Variants in MDN1 observed in about 807,000 individuals in gnomAD.
MDN1 encodes the protein midasin.
MDN1 carries 266 observed loss-of-function variants against 669.2 expected under a neutral mutation model. The ratio of observed to expected loss-of-function variants is 0.40; its 90% CI spans 0.36 to 0.44. MDN1 has a LOEUF of 0.44. Among genes scored for constraint, MDN1 ranks in the 20% least tolerant of loss-of-function variants. The pLI is 1.00. For synonymous variants in MDN1, 2,385 were observed against 2,457.1 expected, an observed-to-expected ratio of 0.97 and a Z score of 0.87; for missense variants, 5,940 against 6,754.0, an observed-to-expected ratio of 0.88 and a Z score of 4.22.
intron 13 of MDN1, among the ~76,000 whole-genome samples, chr6:89,774,371 T>G (rs1472645280): frequency 2.6e-5 from 4 of 152,238 alleles, no homozygotes; most frequent in African/African-American, 9.6e-5. Context: ...CTAAATACAC[T>G]GCAGTGAATA....
intron 76 of MDN1, among the ~76,000 whole-genome samples, chr6:89,677,092 TG>T (rs773528744): frequency 1.5e-4 from 21 of 143,986 alleles, no homozygotes; most frequent in Middle Eastern, 7.5e-3. Flanking sequence ...AGAAAATAAA[TG>T]TTTTTTTTCT....
chr6:89,658,425 T>C (rs1192828011), intron 89 of MDN1, 55 bp from the exon 90 acceptor site: 1 of 1,604,642 alleles, frequency 6.2e-7, no homozygotes, highest in Non-Finnish European at 8.5e-7. Context: ...CAGCATAAGG[T>C]GGGAGACCTT....
chr6:89,803,352 A>G lies in MDN1; in HGVS notation c.305T>C (p.Ile102Thr), dbSNP rs199540191. The change falls in exon 2 of 102, where the codon ATT (isoleucine) becomes ACT (threonine). Residue 102 changes from isoleucine (I) to threonine (T), a missense_variant. By Grantham distance (89) the Ile-to-Thr change is moderately conservative (BLOSUM62 -1). This residue lies in a region of MDN1 where 1,203 missense variants were observed against 1,268.9 expected (regional missense o/e 0.95). Transcript: ENST00000369393. ...ERLCVSMSKL[I>T]GNHPDVLPFA... The stretch of plus-strand genomic sequence containing the variant: ...CGGGAGGACATCAGGATGGTTACCA[A>G]TGAGTTTGCTCATCGACACACATAG... The G allele has an allele frequency of 2.5e-6, 4 of 1,614,150 alleles. No individual in the cohort carries two copies. Among genetic ancestry groups the G allele is most frequent in the Non-Finnish European group, 3.4e-6 (4 of 1,180,016 alleles).
chr6:89,742,943 T>C (rs758151894), intron 31 of MDN1, among the ~76,000 whole-genome samples: 60 of 152,092 alleles, frequency 3.9e-4, no homozygotes, highest in Non-Finnish European at 2.2e-4. Flanking sequence ...AAGGTGCACC[T>C]ATGAGAAGTA....
At chr6:89,778,912 A>AAATAAATAAATC (rs1446077291) in intron 11 of MDN1, among the ~76,000 whole-genome samples, 1 of 147,124 alleles carries the variant, frequency 6.8e-6, no homozygotes, top group African/African-American at 2.5e-5. Flanking sequence ...ATAAATAAAT[A>AAATAAATAAATC]AATAAATAAA....
At chr6:89,780,337 A>G in intron 10 of MDN1, 44 bp from the exon 11 acceptor site, 1 of 1,316,216 alleles carries the variant, frequency 7.6e-7, no homozygotes, top group Non-Finnish European at 1.1e-6. Context: ...AAAAGACCAC[A>G]GGCCAAAGAC....
At chr6:89,783,603 G>A (rs934985141) in intron 9 of MDN1, among the ~76,000 whole-genome samples, 2 of 151,896 alleles carry the variant, frequency 1.3e-5, no homozygotes, top group Admixed American at 6.6e-5. Context: ...TCTGCTTTTT[G>A]CCCTTTGAAG....
At chr6:89,736,964 T>A (rs949724724) in intron 33 of MDN1, among the ~76,000 whole-genome samples, 5 of 152,188 alleles carry the variant, frequency 3.3e-5, no homozygotes, top group African/African-American at 1.2e-4. Context: ...GACAGACAAA[T>A]TCTCTGCCCC....
Position 89,751,508 on chromosome 6 carries a change from A to G in MDN1, c.3150T>C (p.Pro1050=), listed in dbSNP as rs1285955782. The G allele has an allele frequency of 6.2e-7, 1 of 1,614,166 alleles. No individual in the cohort carries two copies. Among genetic ancestry groups the G allele is most frequent in the Non-Finnish European group, 8.5e-7 (1 of 1,180,014 alleles). The change falls in exon 23 of 102, where the codon CCT becomes CCC. Residue 1050 remains proline, a synonymous_variant. Coordinates refer to ENST00000369393, the MANE Select transcript of MDN1 (RefSeq NM_014611.3). ...GYWIAVGDKE[P]TIDETYILTS... is the part of the protein sequence containing the mutation. ...TCAGAATGTACGTCTCATCTATTGT[A>G]GGCTCCTTGTCTCCCACCGCAATCC...
At chr6:89,664,979 C>T (rs759388677) in intron 84 of MDN1, among the ~76,000 whole-genome samples, 22 of 152,184 alleles carry the variant, frequency 1.4e-4, no homozygotes, top group Middle Eastern at 6.8e-3. Context: ...GACAGTGGCC[C>T]AAGAGAATCT....
At chr6:89,751,633 G>A in intron 22 of MDN1, 51 bp from the exon 23 acceptor site, 1 of 1,575,736 alleles carries the variant, frequency 6.3e-7, no homozygotes, top group Non-Finnish European at 8.6e-7. Context: ...CATTCTTTCA[G>A]AGAAGGGCAT....
In MDN1 at chr6:89,695,726, G is replaced by A; in HGVS notation, c.9650C>T (p.Pro3217Leu). The A allele has an allele frequency of 6.2e-7, 1 of 1,613,728 alleles. No individual in the cohort carries two copies. Among genetic ancestry groups the A allele is most frequent in the Non-Finnish European group, 8.5e-7 (1 of 1,180,036 alleles). Residue 3217 changes from proline (P) to leucine (L), a missense_variant, in exon 61 of 102, where the codon CCA becomes CTA. Around this residue, in one of 5 missense-constraint regions of MDN1, gnomAD observed 2,292 missense variants for 2,638.3 expected, o/e 0.87. Transcript: ENST00000369393. The surrounding 1 kb of genome is among the most constrained non-coding windows in gnomAD (Gnocchi z 4.1). ...CACCCAGAGGCTCCCACGCTGGGCT[G>A]GCTCAGGCAGGCTCCTCTTACTCTC... ...EGESKRSLPE[P>L]AQRGSLWVSL...
intron 23 of MDN1, 75 bp from the exon 24 acceptor site, chr6:89,750,607 GGTTT>G: frequency 7.1e-7 from 1 of 1,405,062 alleles, no homozygotes; most frequent in Admixed American, 1.9e-5. Flanking sequence ...ACTGAGTATT[GGTTT>G]GTTTTGTTTG....
chr6:89,665,004 T>C (rs1810082632), intron 84 of MDN1, among the ~76,000 whole-genome samples: 2 of 152,132 alleles, frequency 1.3e-5, no homozygotes. Context: ...CATTCTTCCT[T>C]GGTTTCTATA....
At position 89,689,932 on chromosome 6, in the gene MDN1, C is replaced by G. The variant is rs1385568777; in HGVS notation, c.10961G>C (p.Ser3654Thr). ...LPPHEAKHYLSLFLSCYQTGA... is the reference protein window; with the variant it reads ...LPPHEAKHYLTLFLSCYQTGA... ...AGTCTGATAGCAAGACAGAAACAGG[C>G]TGAGGTAATGCTTTGCTTCATGTGG... The change falls in exon 65 of 102, where the codon AGC (serine) becomes ACC (threonine). Residue 3654 changes from serine to threonine, a missense_variant. Around this residue, in one of 5 missense-constraint regions of MDN1, gnomAD observed 2,280 missense variants for 2,576.3 expected, o/e 0.88. Coordinates refer to ENST00000369393, the MANE Select transcript of MDN1 (RefSeq NM_014611.3). The G allele has an allele frequency of 6.2e-7, 1 of 1,614,060 alleles. No individual in the cohort carries two copies. Among genetic ancestry groups the G allele is most frequent in the Admixed American group, 1.7e-5 (1 of 60,006 alleles).
At chr6:89,654,865 A>T (rs1809142301) in intron 92 of MDN1, among the ~76,000 whole-genome samples, 1 of 152,212 alleles carries the variant, frequency 6.6e-6, no homozygotes, top group African/African-American at 2.4e-5. Context: ...TCATTATTAT[A>T]GGTCAATTAA....
At chr6:89,716,023 T>C (rs1032837430) in intron 44 of MDN1, among the ~76,000 whole-genome samples, 3 of 152,166 alleles carry the variant, frequency 2.0e-5, no homozygotes, top group Non-Finnish European at 4.4e-5. Flanking sequence ...TTAAAGAAAA[T>C]GATAAGTTCC....
chr6:89,818,294 C>A (rs904482576), intron 1 of MDN1, among the ~76,000 whole-genome samples: 1 of 124,334 alleles, frequency 8.0e-6, no homozygotes, highest in Non-Finnish European at 1.6e-5. Context: ...GCACTCCAGT[C>A]TGGACGACAG....
intron 18 of MDN1, 39 bp from the exon 19 acceptor site, chr6:89,758,390 A>C (rs772769515): frequency 2.6e-6 from 4 of 1,513,572 alleles, no homozygotes; most frequent in Non-Finnish European, 2.7e-6. Context: ...CAAAGGTATG[A>C]TTATCTAATT....
Sources: allele counts gnomAD v4.1 joint callset (sites outside exome capture counted in the v4.1 genomes callset), GRCh38; gene constraint gnomAD v4.1.1; regional missense constraint gnomAD v4.1.1; non-coding constraint Gnocchi (gnomAD v3.1); transcripts MANE v1.5; gene names NCBI Gene and HGNC (gene_info 2026-07-23, HGNC 2026-07-21).